The following CLVS1 variants were observed in gnomAD, a reference collection of about 807,000 sequenced individuals.
CLVS1 encodes clavesin-1.
A neutral mutation model predicts 33.1 loss-of-function variants in CLVS1; 10 were observed. The observed-to-expected ratio is 0.30, with a 90% CI of 0.19 to 0.51. The LOEUF is 0.51. CLVS1 is among the 20% of genes least tolerant of loss of function. The pLI is 0.97. For synonymous variants in CLVS1, 163 were observed against 166.1 expected (o/e 0.98, Z 0.14); for missense variants, 343 against 433.4 (o/e 0.79, Z 1.85).
chr8:61,074,434 TTA>T (rs200558957), intron 1 of CLVS1, among the ~76,000 whole-genome samples: 16 of 129,988 alleles, frequency 1.2e-4, no homozygotes, highest in African/African-American at 3.4e-4. Context: ...TATATATATG[TTA>T]TATATATATA....
intron 2 of CLVS1, among the ~76,000 whole-genome samples, chr8:61,133,211 A>G (rs1020071183): frequency 6.6e-6 from 1 of 152,086 alleles, no homozygotes; most frequent in African/African-American, 2.4e-5. Flanking sequence ...ATGTCAATGG[A>G]GTTCAACACA....
intron 2 of CLVS1, among the ~76,000 whole-genome samples, chr8:61,353,646 G>T (rs369194319): frequency 2.6e-5 from 4 of 151,268 alleles, no homozygotes; most frequent in Non-Finnish European, 4.4e-5. Context: ...ATAAGGAAAG[G>T]TCTCAAGTCA....
intron 3 of CLVS1, among the ~76,000 whole-genome samples, chr8:61,386,245 G>A (rs940956815): frequency 6.6e-6 from 1 of 152,110 alleles, no homozygotes; most frequent in Non-Finnish European, 1.5e-5. Context: ...GGGGTGTGAG[G>A]GTAAGAATTT....
chr8:61,326,442 G>A (rs1419272087), intron 2 of CLVS1, among the ~76,000 whole-genome samples: 1 of 152,142 alleles, frequency 6.6e-6, no homozygotes, highest in African/African-American at 2.4e-5. Context: ...ATACAGTATA[G>A]TGGCCACAGA....
chr8:61,033,037 G>GAA, the CLVS1 span, among the ~76,000 whole-genome samples: 76 of 105,600 alleles, frequency 7.2e-4, 3 homozygotes, highest in Non-Finnish European at 1.2e-3. Context: ...AAGAAAGAAA[G>GAA]AAAGAAAGAA....
chr8:61,342,197 T>C (rs1258669327), intron 2 of CLVS1, among the ~76,000 whole-genome samples: 1 of 152,192 alleles, frequency 6.6e-6, no homozygotes, highest in Non-Finnish European at 1.5e-5. Flanking sequence ...AGCCTCACCC[T>C]GACTCCATTC....
At chr8:61,316,934 G>T (rs970350832) in intron 2 of CLVS1, among the ~76,000 whole-genome samples, 2 of 152,110 alleles carry the variant, frequency 1.3e-5, no homozygotes, top group African/African-American at 2.4e-5. Flanking sequence ...GAGAATTAAA[G>T]GAGCTAATAC....
chr8:61,211,851 A>G (rs1807977195), intron 2 of CLVS1, among the ~76,000 whole-genome samples: 1 of 152,182 alleles, frequency 6.6e-6, no homozygotes, highest in Non-Finnish European at 1.5e-5. Flanking sequence ...CAGAGAAAAG[A>G]GCTTTGAAGC....
chr8:61,483,784 C>T (rs977948706), intron 5 of CLVS1, among the ~76,000 whole-genome samples: 2 of 152,202 alleles, frequency 1.3e-5, no homozygotes, highest in African/African-American at 4.8e-5. Flanking sequence ...GGATGCAAGG[C>T]TGGTTCAACA....
chr8:61,470,641 C>T (rs939568755), intron 5 of CLVS1, among the ~76,000 whole-genome samples: 2 of 152,186 alleles, frequency 1.3e-5, no homozygotes, highest in African/African-American at 4.8e-5. Flanking sequence ...TGCCTAACAT[C>T]TAGCCAGCAA....
chr8:61,374,167 A>T (rs1813550142), intron 2 of CLVS1, among the ~76,000 whole-genome samples: 1 of 152,228 alleles, frequency 6.6e-6, no homozygotes, highest in African/African-American at 2.4e-5. Flanking sequence ...TAGTGTGTGG[A>T]TACAGGGATA....
At chr8:61,293,446 A>T (rs1810069300) in intron 1 of CLVS1, among the ~76,000 whole-genome samples, 1 of 152,198 alleles carries the variant, frequency 6.6e-6, no homozygotes. Context: ...GGTCAGCACC[A>T]TGGAACATGT....
At chr8:61,431,192 G>T (rs1816098649) in intron 3 of CLVS1, among the ~76,000 whole-genome samples, 4 of 152,090 alleles carry the variant, frequency 2.6e-5, no homozygotes, top group African/African-American at 7.2e-5. Flanking sequence ...GGATTTTCTA[G>T]AACTTTTTTT....
intron 3 of CLVS1, among the ~76,000 whole-genome samples, chr8:61,446,757 AAAACATTC>A (rs1451317541): frequency 1.3e-5 from 2 of 152,132 alleles, no homozygotes; most frequent in African/African-American, 4.8e-5. Flanking sequence ...AAGGGAGAAA[AAAACATTC>A]AAACCATAGT....
At chr8:61,241,335 T>C (rs60697227) in intron 2 of CLVS1, among the ~76,000 whole-genome samples, 21,921 of 152,104 alleles carry the variant, frequency 0.14, 3,330 homozygotes, top group East Asian at 0.68. Flanking sequence ...ATGAATTAGA[T>C]AGATTTTCAA....
intron 3 of CLVS1, among the ~76,000 whole-genome samples, chr8:61,450,649 G>A (rs1816918849): frequency 6.6e-6 from 1 of 152,058 alleles, no homozygotes; most frequent in African/African-American, 2.4e-5. Context: ...TATAATTGCT[G>A]TTTTCAGTTG....
chr8:61,079,762 C>A (rs746153214), intron 1 of CLVS1, among the ~76,000 whole-genome samples: 4 of 147,968 alleles, frequency 2.7e-5, no homozygotes, highest in African/African-American at 5.1e-5. Context: ...AAAGTAGTCC[C>A]AATTTATTTT....
intron 2 of CLVS1, among the ~76,000 whole-genome samples, chr8:61,181,716 T>TTTTTG (rs1807237965): frequency 6.8e-6 from 1 of 146,704 alleles, no homozygotes; most frequent in Non-Finnish European, 1.5e-5. Flanking sequence ...TTTTTTTTTT[T>TTTTTG]TGAGATGGAG....
intron 2 of CLVS1, among the ~76,000 whole-genome samples, chr8:61,280,315 T>G (rs772030553): frequency 2.1e-4 from 32 of 152,328 alleles, no homozygotes; most frequent in Non-Finnish European, 4.1e-4. Context: ...CAACTGGTAT[T>G]AGCAGGGGAA....
Sources: gnomAD v4.1 joint callset for allele counts (sites outside exome capture counted in the v4.1 genomes callset) on GRCh38, gnomAD v4.1.1 for gene constraint, MANE v1.5 for transcripts, NCBI Gene and HGNC (gene_info 2026-07-23, HGNC 2026-07-21) for gene names.